CATSPERQ: variants seen among roughly 807,000 people sequenced by gnomAD.
CATSPERQ encodes the protein catsper channel auxiliary subunit theta.
chr8:144,354,583 C>T, the CATSPERQ span: 1 of 916,280 alleles, frequency 1.1e-6, no homozygotes, highest in South Asian at 1.6e-5. The surrounding 1 kb of genome is among the most constrained non-coding windows in gnomAD (Gnocchi z 4.6). Context: ...TTCCCAGCCC[C>T]GCCCCGCCCC....
the CATSPERQ span, chr8:144,354,833 C>A: frequency 6.6e-7 from 1 of 1,505,662 alleles, no homozygotes; most frequent in Non-Finnish European, 8.9e-7. This position sits in a 1 kb window ranked among gnomAD's most constrained non-coding sequence, Gnocchi z 4.6. Context: ...CCCACAGCGG[C>A]ACTCCTACCT....
the CATSPERQ span, chr8:144,353,785 T>A: frequency 1.3e-6 from 2 of 1,535,480 alleles, no homozygotes; most frequent in South Asian, 2.4e-5. Context: ...CACCTCGTAG[T>A]GCTCCGACAG....
At chr8:144,354,794 GGCCGCTCGTCCGCTGCC>G in the CATSPERQ span, 15 of 1,525,978 alleles carry the variant, frequency 9.8e-6, no homozygotes, top group African/African-American at 1.4e-5. The surrounding 1 kb of genome is among the most constrained non-coding windows in gnomAD (Gnocchi z 4.6). Context: ...TGGTCAGCCT[GGCCGCTCGTCCGCTGCC>G]GCCGCCCACT....
chr8:144,353,722 A>C, the CATSPERQ span: 2 of 1,529,648 alleles, frequency 1.3e-6, no homozygotes, highest in Non-Finnish European at 1.8e-6. Context: ...AAAGACCTTA[A>C]ACAGTGATCG....
the CATSPERQ span, chr8:144,354,592 C>G: frequency 7.0e-7 from 1 of 1,429,466 alleles, no homozygotes; most frequent in South Asian, 1.3e-5. This position sits in a 1 kb window ranked among gnomAD's most constrained non-coding sequence, Gnocchi z 4.6. Context: ...CCGCCCCGCC[C>G]CGCCCCGCCC....
the CATSPERQ span, chr8:144,354,349 C>G: frequency 6.5e-7 from 1 of 1,531,208 alleles, no homozygotes; most frequent in Non-Finnish European, 8.7e-7. This position sits in a 1 kb window ranked among gnomAD's most constrained non-coding sequence, Gnocchi z 4.6. Context: ...TGGCGCGGCG[C>G]GTGAGGACGC....
the CATSPERQ span, chr8:144,354,786 G>A: frequency 6.5e-7 from 1 of 1,529,124 alleles, no homozygotes; most frequent in Admixed American, 2.0e-5. This position sits in a 1 kb window ranked among gnomAD's most constrained non-coding sequence, Gnocchi z 4.6. Context: ...GGCAGAGGTG[G>A]TCAGCCTGGC....
chr8:144,354,610 C>A, the CATSPERQ span: 3 of 1,523,642 alleles, frequency 2.0e-6, no homozygotes, highest in Non-Finnish European at 2.6e-6. The surrounding 1 kb of genome is among the most constrained non-coding windows in gnomAD (Gnocchi z 4.6). Context: ...CCCAGCCTCG[C>A]GCGCACCGTT....
chr8:144,354,264 G>T, the CATSPERQ span: 2 of 1,536,464 alleles, frequency 1.3e-6, no homozygotes, highest in Admixed American at 2.0e-5. This position sits in a 1 kb window ranked among gnomAD's most constrained non-coding sequence, Gnocchi z 4.6. Context: ...AGCTGACCAG[G>T]ACCACGCTGA....
the CATSPERQ span, chr8:144,354,578 A>ACCCCCCCCCCCCCCCCCCCC: frequency 4.5e-6 from 1 of 221,156 alleles, no homozygotes. The surrounding 1 kb of genome is among the most constrained non-coding windows in gnomAD (Gnocchi z 4.6). Context: ...CGCCCTTCCC[A>ACCCCCCCCCCCCCCCCCCCC]GCCCCGCCCC....
At chr8:144,354,400 T>C in the CATSPERQ span, 2 of 1,475,758 alleles carry the variant, frequency 1.4e-6, no homozygotes, top group Non-Finnish European at 1.8e-6. The surrounding 1 kb of genome is among the most constrained non-coding windows in gnomAD (Gnocchi z 4.6). Flanking sequence ...TGCCAAGGCT[T>C]GGCCCGGACT....
chr8:144,354,465 C>A, the CATSPERQ span: 2 of 1,312,222 alleles, frequency 1.5e-6, no homozygotes, highest in Non-Finnish European at 2.0e-6. This position sits in a 1 kb window ranked among gnomAD's most constrained non-coding sequence, Gnocchi z 4.6. Flanking sequence ...GCCTCTCCGT[C>A]CCCAGGAGCA....
the CATSPERQ span, chr8:144,354,574 T>TGCCCCCCCCCCCCCCCC: frequency 3.1e-6 from 1 of 322,964 alleles, no homozygotes. This position sits in a 1 kb window ranked among gnomAD's most constrained non-coding sequence, Gnocchi z 4.6. Flanking sequence ...GCCCCGCCCT[T>TGCCCCCCCCCCCCCCCC]CCCAGCCCCG....
the CATSPERQ span, chr8:144,353,901 TC>T: frequency 2.6e-6 from 4 of 1,529,130 alleles, no homozygotes; most frequent in South Asian, 3.6e-5. Flanking sequence ...TGGCCGCCCC[TC>T]CGACCTCCCA....
At chr8:144,353,412 G>A in the CATSPERQ span, 1 of 1,535,882 alleles carries the variant, frequency 6.5e-7, no homozygotes, top group Non-Finnish European at 8.7e-7. Flanking sequence ...GCCCATCACA[G>A]TGCCAGCGCC....
chr8:144,354,483 G>GC, the CATSPERQ span: 4 of 1,337,152 alleles, frequency 3.0e-6, no homozygotes, highest in Non-Finnish European at 3.9e-6. The surrounding 1 kb of genome is among the most constrained non-coding windows in gnomAD (Gnocchi z 4.6). Context: ...GCACCGGCCG[G>GC]CCCCACCCAG....
At chr8:144,353,259 C>T in the CATSPERQ span, 2 of 1,399,646 alleles carry the variant, frequency 1.4e-6, no homozygotes, top group Middle Eastern at 2.6e-4. Flanking sequence ...AAAGGAAGGC[C>T]AGTGAGTGGG....
At chr8:144,354,087 C>G in the CATSPERQ span, 1 of 1,535,274 alleles carries the variant, frequency 6.5e-7, no homozygotes, top group Middle Eastern at 1.7e-4. This position sits in a 1 kb window ranked among gnomAD's most constrained non-coding sequence, Gnocchi z 4.6. Context: ...GCGACGAGAT[C>G]ACGAGCCACA....
At chr8:144,354,814 C>T in the CATSPERQ span, 4 of 1,519,996 alleles carry the variant, frequency 2.6e-6, no homozygotes, top group African/African-American at 4.1e-5. The surrounding 1 kb of genome is among the most constrained non-coding windows in gnomAD (Gnocchi z 4.6). Context: ...CCGCTGCCGC[C>T]GCCCACTGCC....
Sources: allele counts gnomAD v4.1 joint callset, GRCh38; gene constraint gnomAD v4.1.1; non-coding constraint Gnocchi (gnomAD v3.1); transcripts MANE v1.5; gene names NCBI Gene and HGNC (gene_info 2026-07-23, HGNC 2026-07-21).